Variants in CRADD observed in about 807,000 individuals in gnomAD.
The protein encoded by CRADD is death domain-containing protein CRADD.
CRADD carries 9 observed loss-of-function variants against 15.5 expected under a neutral mutation model. That is an observed-to-expected ratio of 0.58 (90% CI 0.35 to 1.01). The LOEUF (loss-of-function observed/expected upper bound fraction) is 1.01. Among genes scored for constraint, CRADD ranks in the 50% least tolerant of loss-of-function variants. The pLI, the probability that CRADD is intolerant of heterozygous loss-of-function variation, is 0.02. For synonymous variants in CRADD, 118 were observed against 107.6 expected, an observed-to-expected ratio of 1.10 and a Z score of -0.60; for missense variants, 227 against 250.3, an observed-to-expected ratio of 0.91 and a Z score of 0.63.
At chr12:93,720,723 G>C (rs964566524) in intron 2 of CRADD, among the ~76,000 whole-genome samples, 2 of 152,124 alleles carry the variant, frequency 1.3e-5, no homozygotes, top group East Asian at 3.8e-4. Context: ...TGAAATTACT[G>C]TAGCTACTCC....
At chr12:93,891,963 G>A (rs368836117) in intron 2 of CRADD, among the ~76,000 whole-genome samples, 3 of 152,292 alleles carry the variant, frequency 2.0e-5, no homozygotes, top group Admixed American at 6.5e-5. Flanking sequence ...TTTCAAGGAT[G>A]TCATAGATTA....
chr12:93,854,411 A>T (rs918261417), downstream of CRADD, among the ~76,000 whole-genome samples: 1 of 152,220 alleles, frequency 6.6e-6, no homozygotes, highest in African/African-American at 2.4e-5. Flanking sequence ...GCAAGCCGCC[A>T]TGTGGAAACA....
chr12:93,705,229 C>A (rs1246802609), intron 2 of CRADD, among the ~76,000 whole-genome samples: 1 of 152,114 alleles, frequency 6.6e-6, no homozygotes, highest in Admixed American at 6.5e-5. Flanking sequence ...CATTTATGGA[C>A]CAGATCATCA....
At chr12:93,849,564 A>T (rs1056681607) in intron 2 of CRADD, among the ~76,000 whole-genome samples, 17 of 152,014 alleles carry the variant, frequency 1.1e-4, no homozygotes, top group African/African-American at 4.1e-4. Context: ...AACATGGTGA[A>T]ACCCTGTCTC....
intron 2 of CRADD, among the ~76,000 whole-genome samples, chr12:93,717,722 T>C (rs1956186624): frequency 6.6e-6 from 1 of 152,104 alleles, no homozygotes; most frequent in African/African-American, 2.4e-5. Context: ...GATTTCACCA[T>C]GTTGGCCAGG....
chr12:93,822,308 C>A (rs1181111454), intron 2 of CRADD, among the ~76,000 whole-genome samples: 1 of 152,148 alleles, frequency 6.6e-6, no homozygotes, highest in Non-Finnish European at 1.5e-5. Context: ...AATCAAGAGG[C>A]AAAATCAACC....
At chr12:93,808,230 G>A (rs1184556012) in intron 2 of CRADD, among the ~76,000 whole-genome samples, 1 of 152,022 alleles carries the variant, frequency 6.6e-6, no homozygotes, top group Admixed American at 6.6e-5. Context: ...CCTGAGACTG[G>A]CTAATTTATA....
At chr12:93,763,741 A>G (rs1177189351) in intron 2 of CRADD, among the ~76,000 whole-genome samples, 1 of 152,094 alleles carries the variant, frequency 6.6e-6, no homozygotes, top group African/African-American at 2.4e-5. Flanking sequence ...GCATATGTGT[A>G]AGTTTGGCCC....
intron 2 of CRADD, among the ~76,000 whole-genome samples, chr12:93,857,065 T>C (rs1446373095): frequency 6.6e-6 from 1 of 152,062 alleles, no homozygotes; most frequent in Non-Finnish European, 1.5e-5. Context: ...GCAAAATATA[T>C]GGCAATAATT....
At chr12:93,890,821 C>T (rs1445743247) in intron 2 of CRADD, among the ~76,000 whole-genome samples, 1 of 151,060 alleles carries the variant, frequency 6.6e-6, no homozygotes, top group Non-Finnish European at 1.5e-5. Flanking sequence ...TGCAGTGGCA[C>T]TATTTGGCTC....
chr12:93,885,896 A>C (rs993968256), intron 2 of CRADD, among the ~76,000 whole-genome samples: 10 of 152,090 alleles, frequency 6.6e-5, no homozygotes, highest in Admixed American at 3.3e-4. Context: ...AAAGTTAGCC[A>C]GGGATGATGG....
intron 2 of CRADD, among the ~76,000 whole-genome samples, chr12:93,682,314 A>G (rs1592875221): frequency 1.3e-5 from 2 of 152,238 alleles, no homozygotes; most frequent in African/African-American, 2.4e-5. Flanking sequence ...GAATGTGTGT[A>G]CACATTAACC....
intron 2 of CRADD, among the ~76,000 whole-genome samples, chr12:93,686,812 T>C (rs935842750): frequency 2.0e-5 from 3 of 152,212 alleles, no homozygotes; most frequent in African/African-American, 7.2e-5. Flanking sequence ...TTTAGGACTT[T>C]TTCTGCTGCG....
intron 2 of CRADD, among the ~76,000 whole-genome samples, chr12:93,787,527 T>C (rs1199083734): frequency 6.6e-6 from 1 of 152,102 alleles, no homozygotes; most frequent in African/African-American, 2.4e-5. Context: ...AAACTCAGTG[T>C]CTTTGTTTTT....
chr12:93,874,840 A>G (rs1265734390), intron 2 of CRADD, among the ~76,000 whole-genome samples: 1 of 152,100 alleles, frequency 6.6e-6, no homozygotes, highest in African/African-American at 2.4e-5. Context: ...GACCTAACAT[A>G]TGGCCTATCC....
chr12:93,753,052 C>T (rs1253904279), intron 2 of CRADD, among the ~76,000 whole-genome samples: 1 of 151,946 alleles, frequency 6.6e-6, no homozygotes, highest in African/African-American at 2.4e-5. Flanking sequence ...CTGGGTTCTT[C>T]CCACGACATG....
chr12:93,678,843 G>A lies in CRADD; in HGVS notation c.69G>A (p.Glu23=). The part of the protein sequence containing the change: ...RLELGAEVLV[E]GLVLQYLYQE... The stretch of plus-strand genomic sequence containing the variant: ...AGCTGGGTGCAGAGGTATTGGTGGA[G>A]GGACTGGTTCTTCAGTACCTCTACC... The change falls in exon 2 of 3, where the codon GAG becomes GAA. Residue 23 remains glutamate (E), a synonymous_variant. Coordinates refer to ENST00000332896, the MANE Select transcript of CRADD (RefSeq NM_003805.5). 1.2e-6 allele frequency: 2 copies of A among 1,614,204 alleles called. No homozygotes were observed. The highest frequency in any genetic ancestry group is 1.7e-6 in the Non-Finnish European group (2 of 1,180,032).
Position 93,824,640 on chromosome 12 carries a change from T to C in CRADD, c.299-25330T>C, listed in dbSNP as rs1359406164. Among the ~76,000 whole-genome samples, 1 of 152,236 alleles carries C rather than the reference T, an allele frequency of 6.6e-6. No homozygotes were observed. Among genetic ancestry groups the C allele is most frequent in the Non-Finnish European group, 1.5e-5 (1 of 68,036 alleles). On this transcript the variant is annotated intron_variant, in intron 2 of 2. Coordinates refer to ENST00000332896, the MANE Select transcript of CRADD (RefSeq NM_003805.5). The surrounding 1 kb of genome is among the most constrained non-coding windows in gnomAD (Gnocchi z 4.3). Reference sequence around the variant, plus strand: ...TGCATTAGAATGCATCATTCTATGATACATTATCCGAGCTGAAGCTGAAAC... The same window carrying C: ...TGCATTAGAATGCATCATTCTATGACACATTATCCGAGCTGAAGCTGAAAC...
chr12:93,727,028 T>G (rs1251060956), intron 2 of CRADD, among the ~76,000 whole-genome samples: 3 of 152,252 alleles, frequency 2.0e-5, no homozygotes, highest in African/African-American at 7.2e-5. Context: ...ATTGCATCTT[T>G]CAGCAACAAC....
Sources: allele counts gnomAD v4.1 joint callset (sites outside exome capture counted in the v4.1 genomes callset), GRCh38; gene constraint gnomAD v4.1.1; non-coding constraint Gnocchi (gnomAD v3.1); transcripts MANE v1.5; gene names NCBI Gene and HGNC (gene_info 2026-07-23, HGNC 2026-07-21).